The following ATAD2B variants were observed in gnomAD, a reference collection of about 807,000 sequenced individuals.
The protein encoded by ATAD2B is ATPase family AAA domain-containing protein 2B.
ATAD2B carries 40 observed loss-of-function variants against 167.6 expected under a neutral mutation model. The ratio of observed to expected loss-of-function variants is 0.24; its 90% confidence interval spans 0.19 to 0.31. The LOEUF (loss-of-function observed/expected upper bound fraction) is 0.31. Ranked by LOEUF, ATAD2B falls within the 10% of genes least tolerant of loss-of-function variation. The pLI is 1.00. For synonymous variants in ATAD2B, 579 were observed against 596.5 expected, an observed-to-expected ratio of 0.97 and a Z score of 0.43; for missense variants, 1,242 against 1,757.2, an observed-to-expected ratio of 0.71 and a Z score of 5.24.
At position 23,853,502 on chromosome 2, in the gene ATAD2B, CA is replaced by C. The variant is rs1329373792; in HGVS notation, c.1568+3912del. ...ATAAAGTATTTAGGGATGCATTAAA[CA>C]AAAGATGCCTAAGATCCTTATGCTA... On this transcript the variant is annotated intron_variant, in intron 13 of 27. Coordinates refer to ENST00000238789, the MANE Select transcript of ATAD2B (RefSeq NM_017552.4). 2.6e-5 allele frequency among the ~76,000 whole-genome samples: 4 copies of C among 152,064 alleles called. 1 individual carries two copies. The highest frequency in any genetic ancestry group is 4.4e-5 in the Non-Finnish European group (3 of 68,004).
intron 22 of ATAD2B, among the ~76,000 whole-genome samples, chr2:23,775,317 G>A (rs930549642): frequency 5.3e-5 from 8 of 151,228 alleles, no homozygotes; most frequent in African/African-American, 1.5e-4. Context: ...AGGTTCAAGC[G>A]ATTCTCCTGC....
chr2:23,847,823 A>G (rs1691912005), intron 13 of ATAD2B, among the ~76,000 whole-genome samples: 2 of 137,310 alleles, frequency 1.5e-5, no homozygotes, highest in African/African-American at 5.3e-5. Flanking sequence ...CATCTCTACT[A>G]AAAAAAAAAA....
the ATAD2B span, among the ~76,000 whole-genome samples, chr2:23,731,086 C>A: frequency 1.7e-4 from 26 of 152,142 alleles, no homozygotes; most frequent in South Asian, 5.4e-3. Context: ...AAAAATGGAA[C>A]CATTTTAGCA....
chr2:23,691,653 C>A, the ATAD2B span: 1 of 1,549,930 alleles, frequency 6.5e-7, no homozygotes, highest in South Asian at 1.2e-5. Context: ...GAGGTAAGGA[C>A]ACCCTGGTCT....
intron 17 of ATAD2B, among the ~76,000 whole-genome samples, chr2:23,814,588 G>A (rs556695798): frequency 6.6e-6 from 1 of 152,230 alleles, no homozygotes; most frequent in African/African-American, 2.4e-5. Context: ...AAAGAACATG[G>A]CTCTTTGGGG....
At chr2:23,711,370 T>C in the ATAD2B span, among the ~76,000 whole-genome samples, 1,100 of 97,802 alleles carry the variant, frequency 0.011, 107 homozygotes, top group African/African-American at 0.042. Flanking sequence ...TTTTTTTTTT[T>C]TTTTTTTTTT....
Position 23,833,077 on chromosome 2 carries a change from A to G in ATAD2B, c.1728+842T>C, listed in dbSNP as rs530124328. On this transcript the variant is annotated intron_variant, in intron 14 of 27. Coordinates refer to ENST00000238789, the MANE Select transcript of ATAD2B (RefSeq NM_017552.4). ...TTAAAGCCTGTAAATTGAATTGTCAATCCAAATCTGAGTCAACTACTGGTG... is the reference window on the plus strand; with the variant it reads ...TTAAAGCCTGTAAATTGAATTGTCAGTCCAAATCTGAGTCAACTACTGGTG... 2.6e-5 allele frequency among the ~76,000 whole-genome samples: 4 copies of G among 152,350 alleles called. No homozygotes were observed. In the South Asian group the frequency reaches 8.3e-4, roughly 32 times the overall value.
At chr2:23,706,899 C>T in the ATAD2B span, 2 of 457,218 alleles carry the variant, frequency 4.4e-6, no homozygotes, top group Non-Finnish European at 7.7e-6. Context: ...ATGGGGCTGG[C>T]TGCCTCCTGA....
chr2:23,864,946 T>C (rs1224606751), intron 10 of ATAD2B, 22 bp from the exon 11 acceptor site: 2 of 1,384,116 alleles, frequency 1.4e-6, no homozygotes, highest in Non-Finnish European at 9.8e-7. Context: ...GGGGAAAAAT[T>C]TGATATCAAA....
chr2:23,785,916 G>C, intron 21 of ATAD2B, 111 bp downstream of exon 21: 1 of 910,248 alleles, frequency 1.1e-6, no homozygotes, highest in South Asian at 2.0e-5. Context: ...TTATAGGCTA[G>C]GGGTAATATT....
At chr2:23,829,067 T>TA (rs1423988583) in intron 14 of ATAD2B, 128 bp from the exon 15 acceptor site, 7 of 623,774 alleles carry the variant, frequency 1.1e-5, no homozygotes, top group Admixed American at 3.1e-5. Context: ...ATTTTTATTT[T>TA]AAAAAAAATT....
At chr2:23,687,611 A>T in the ATAD2B span, among the ~76,000 whole-genome samples, 3 of 152,342 alleles carry the variant, frequency 2.0e-5, no homozygotes, top group African/African-American at 7.2e-5. Context: ...AGCAGAGACG[A>T]TGCTTCAGAG....
At chr2:23,714,239 CTTT>C in the ATAD2B span, among the ~76,000 whole-genome samples, 6 of 136,466 alleles carry the variant, frequency 4.4e-5, no homozygotes, top group Non-Finnish European at 8.0e-5. Context: ...TCTCAAAATA[CTTT>C]TTTTTTTTTT....
the ATAD2B span, among the ~76,000 whole-genome samples, chr2:23,681,608 C>G: frequency 6.6e-6 from 1 of 152,226 alleles, no homozygotes; most frequent in Non-Finnish European, 1.5e-5. This position sits in a 1 kb window ranked among gnomAD's most constrained non-coding sequence, Gnocchi z 4.2. Flanking sequence ...AGCATGACAC[C>G]CAGGGGGCTA....
At chr2:23,904,317 CTT>C (rs975299628) in intron 1 of ATAD2B, among the ~76,000 whole-genome samples, 12 of 152,234 alleles carry the variant, frequency 7.9e-5, no homozygotes, top group African/African-American at 2.6e-4. Context: ...TCCAAAAAGA[CTT>C]TAACAGAAGA....
At chr2:23,859,547 C>G (rs1694000183) in intron 12 of ATAD2B, among the ~76,000 whole-genome samples, 2 of 148,838 alleles carry the variant, frequency 1.3e-5, no homozygotes, top group Admixed American at 1.3e-4. Flanking sequence ...AAGGTGAATG[C>G]TCTGTCTGTA....
At chr2:23,875,954 T>G in intron 7 of ATAD2B, 50 bp from the exon 8 acceptor site, 1 of 1,308,766 alleles carries the variant, frequency 7.6e-7, no homozygotes, top group Non-Finnish European at 1.1e-6. Flanking sequence ...AATTGATAAA[T>G]TAATGTATTA....
intron 8 of ATAD2B, among the ~76,000 whole-genome samples, chr2:23,873,638 G>A (rs1573169427): frequency 6.6e-6 from 1 of 152,108 alleles, no homozygotes; most frequent in South Asian, 2.1e-4. Flanking sequence ...TTGTTGTATT[G>A]TTGGGGTTTT....
chr2:23,737,897 C>G, the ATAD2B span, among the ~76,000 whole-genome samples: 4 of 152,014 alleles, frequency 2.6e-5, no homozygotes, highest in Non-Finnish European at 5.9e-5. Context: ...AGCTACGTGA[C>G]GAATGCAGAA....
Sources: allele counts gnomAD v4.1 joint callset (sites outside exome capture counted in the v4.1 genomes callset), GRCh38; gene constraint gnomAD v4.1.1; non-coding constraint Gnocchi (gnomAD v3.1); transcripts MANE v1.5; gene names NCBI Gene and HGNC (gene_info 2026-07-23, HGNC 2026-07-21).